OSBPL1A: variants seen among roughly 807,000 people sequenced by gnomAD.
OSBPL1A encodes the protein oxysterol-binding protein-related protein 1.
A neutral mutation model predicts 137.1 loss-of-function variants in OSBPL1A; 80 were observed. The ratio of observed to expected loss-of-function variants is 0.58; its 90% CI spans 0.49 to 0.70. The LOEUF (loss-of-function observed/expected upper bound fraction) is 0.70. OSBPL1A is among the 30% of genes least tolerant of loss of function. The probability of loss-of-function intolerance (pLI) is 0.00; values close to 1 mark genes in which losing one functional copy is unlikely to be tolerated. For synonymous variants in OSBPL1A, 365 were observed against 389.7 expected (o/e 0.94, Z 0.75); for missense variants, 970 against 1,129.4 (o/e 0.86, Z 2.02).
At chr18:24,383,686 G>A (rs1329698662) in intron 1 of OSBPL1A, among the ~76,000 whole-genome samples, 7 of 152,198 alleles carry the variant, frequency 4.6e-5, no homozygotes, top group Non-Finnish European at 1.0e-4. Flanking sequence ...CCTAGGAGGC[G>A]GAGGTTGCAA....
chr18:24,332,572 C>CA (rs34897629), intron 7 of OSBPL1A, among the ~76,000 whole-genome samples: 198 of 108,418 alleles, frequency 1.8e-3, no homozygotes, highest in East Asian at 9.3e-3. Context: ...ATAGAAACAG[C>CA]AAAAAAAAAA....
chr18:24,374,291 G>T (rs1035478786), intron 2 of OSBPL1A, among the ~76,000 whole-genome samples: 2 of 152,090 alleles, frequency 1.3e-5, no homozygotes, highest in East Asian at 3.8e-4. Flanking sequence ...CCCACTGAGG[G>T]TGAGGTCATG....
rs866344500 is a variant in OSBPL1A, at chr18:24,390,761, G to A, written c.-3+6894C>T. ...AAAAAATTGAAATCCCAAATATTGT[G>A]TTTCTCATTTTCCATGCTCTTGCTC... On this transcript the variant is annotated intron_variant, in intron 1 of 27. Coordinates refer to ENST00000319481, the MANE Select transcript of OSBPL1A (RefSeq NM_080597.4). Among the ~76,000 whole-genome samples, 5 of 144,594 alleles carry A rather than the reference G, an allele frequency of 3.5e-5. 1 individual carries two copies. The Middle Eastern group carries it at 0.011, about 321-fold the overall frequency. 94.9% of individuals were successfully genotyped at this position (144,594 alleles called of 152,430 possible).
rs748912552 is a variant in OSBPL1A, at chr18:24,334,260, T to C, written c.465A>G (p.Thr155=). 1 of 1,611,988 alleles carries C rather than the reference T, an allele frequency of 6.2e-7. No homozygotes were observed. Among genetic ancestry groups the C allele is most frequent in the South Asian group, 1.1e-5 (1 of 90,666 alleles). ...TTTGTTTTACCAGAGCTGTGAGTTC[T>C]GTTGTTTTGCCTTCTCTTGCTGCTG... ...LLAAAREGKT[T]ELTALLNRPN... is the part of the protein sequence containing the mutation. The change falls in exon 6 of 28, where the codon ACA becomes ACG. Residue 155 remains threonine, a synonymous_variant. Coordinates refer to ENST00000319481, the MANE Select transcript of OSBPL1A (RefSeq NM_080597.4).
chr18:24,385,692 G>A (rs1018832424), intron 1 of OSBPL1A, among the ~76,000 whole-genome samples: 2 of 152,144 alleles, frequency 1.3e-5, no homozygotes, highest in Non-Finnish European at 2.9e-5. Flanking sequence ...ATAGAAGAAG[G>A]CCACTGACGA....
intron 7 of OSBPL1A, among the ~76,000 whole-genome samples, chr18:24,327,700 C>T (rs1400712503): frequency 6.6e-6 from 1 of 152,056 alleles, no homozygotes; most frequent in African/African-American, 2.4e-5. Context: ...TGAGCCACCA[C>T]TCCTGGCCTG....
chr18:24,283,264 CA>C (rs67218844), intron 14 of OSBPL1A, among the ~76,000 whole-genome samples: 9 of 30,732 alleles, frequency 2.9e-4, no homozygotes, highest in South Asian at 1.2e-3. Flanking sequence ...GACTCCATCT[CA>C]AAAAAAAAAA....
At chr18:24,167,934 G>A (rs1452624886) in intron 24 of OSBPL1A, among the ~76,000 whole-genome samples, 2 of 152,144 alleles carry the variant, frequency 1.3e-5, no homozygotes, top group African/African-American at 2.4e-5. Context: ...GGAAGCCAAC[G>A]GATACCTGCT....
intron 24 of OSBPL1A, among the ~76,000 whole-genome samples, chr18:24,168,523 A>T (rs764059453): frequency 3.3e-5 from 5 of 152,202 alleles, no homozygotes; most frequent in Non-Finnish European, 7.3e-5. Context: ...GTATGTATGC[A>T]GTCTTTATGC....
At chr18:24,190,647 C>A (rs1368419038) in intron 18 of OSBPL1A, among the ~76,000 whole-genome samples, 1 of 152,222 alleles carries the variant, frequency 6.6e-6, no homozygotes, top group East Asian at 1.9e-4. Context: ...GTAGAGATAC[C>A]AAATTTTGTT....
intron 18 of OSBPL1A, among the ~76,000 whole-genome samples, chr18:24,189,406 C>T (rs75074703): frequency 0.036 from 5,476 of 152,278 alleles, 142 homozygotes; most frequent in Middle Eastern, 0.068. Flanking sequence ...GGGCAGGGTG[C>T]TCCCCCGCGT....
At chr18:24,341,169 A>AT (rs1275314204) in intron 5 of OSBPL1A, among the ~76,000 whole-genome samples, 1 of 151,896 alleles carries the variant, frequency 6.6e-6, no homozygotes, top group South Asian at 2.1e-4. Context: ...TTAATTTTTA[A>AT]TTTTTTTAAA....
chr18:24,298,263 C>T (rs1433973664), intron 14 of OSBPL1A, among the ~76,000 whole-genome samples: 1 of 152,190 alleles, frequency 6.6e-6, no homozygotes, highest in Admixed American at 6.5e-5. Context: ...TAAAAATGGG[C>T]AACCAGCAGC....
intron 17 of OSBPL1A, among the ~76,000 whole-genome samples, chr18:24,200,860 T>A (rs2087199126): frequency 6.6e-6 from 1 of 151,982 alleles, no homozygotes; most frequent in Non-Finnish European, 1.5e-5. Flanking sequence ...TAAAAAAAAA[T>A]TAGGTAGGAG....
At chr18:24,392,135 C>T (rs970094650) in intron 1 of OSBPL1A, among the ~76,000 whole-genome samples, 22 of 152,098 alleles carry the variant, frequency 1.4e-4, no homozygotes, top group Non-Finnish European at 2.6e-4. Context: ...GGATTACAGG[C>T]GTGAGCCACT....
chr18:24,320,011 A>G (rs2090817734), intron 7 of OSBPL1A, among the ~76,000 whole-genome samples: 1 of 151,720 alleles, frequency 6.6e-6, no homozygotes, highest in African/African-American at 2.4e-5. Flanking sequence ...TTAATTAGCC[A>G]GGCACGGTGG....
At chr18:24,355,671 A>G (rs2091520667) in intron 4 of OSBPL1A, among the ~76,000 whole-genome samples, 1 of 152,076 alleles carries the variant, frequency 6.6e-6, no homozygotes, top group African/African-American at 2.4e-5. Context: ...TAAGAGGCAG[A>G]AGAGAGTCAC....
intron 21 of OSBPL1A, among the ~76,000 whole-genome samples, chr18:24,176,038 T>C (rs1406163264): frequency 6.6e-6 from 1 of 152,250 alleles, no homozygotes; most frequent in Non-Finnish European, 1.5e-5. Context: ...ACTGTCTTGA[T>C]TACAACAGCT....
Position 24,181,060 on chromosome 18 carries a change from C to T in OSBPL1A, c.1812+85G>A, listed in dbSNP as rs2086593579. The T allele has an allele frequency of 3.1e-5, 45 of 1,465,160 alleles. 1 individual carries two copies. In the South Asian group the frequency reaches 6.1e-4, roughly 20 times the overall value. The allele number at this position is 1,465,160 out of a possible 1,614,324, so 90.8% of individuals were successfully genotyped here. A position where few individuals can be genotyped will look rare whatever the true frequency, so the allele number is the denominator to read the frequency against. Reference sequence around the variant, plus strand: ...GCCCAACCTCACATTGAATTTAACACTAATTGTGTGAACGTGTGTGTGTTC... The same window carrying T: ...GCCCAACCTCACATTGAATTTAACATTAATTGTGTGAACGTGTGTGTGTTC... On this transcript the variant is annotated intron_variant, in intron 19 of 27. Coordinates refer to ENST00000319481, the MANE Select transcript of OSBPL1A (RefSeq NM_080597.4).
Sources: gnomAD v4.1 joint callset for allele counts (sites outside exome capture counted in the v4.1 genomes callset) on GRCh38, gnomAD v4.1.1 for gene constraint, MANE v1.5 for transcripts, NCBI Gene and HGNC (gene_info 2026-07-23, HGNC 2026-07-21) for gene names.